MCPH1: variants seen among roughly 807,000 people sequenced by gnomAD.
The protein encoded by MCPH1 is microcephalin.
MCPH1 carries 104 observed loss-of-function variants against 84.5 expected under a neutral mutation model. That is an observed-to-expected ratio of 1.23 (90% confidence interval 1.05 to 1.45). The LOEUF (loss-of-function observed/expected upper bound fraction) is 1.45, where lower values mean the gene tolerates loss of function less well. MCPH1 is among the 40% of genes most tolerant of loss of function. The pLI is 0.00. For missense variants in MCPH1, 1,498 were observed against 1,005.7 expected (o/e 1.49, Z -6.62); for synonymous variants, 514 against 366.8 (o/e 1.40, Z -4.58).
At chr8:6,546,695 C>T (rs1822633515) in intron 12 of MCPH1, among the ~76,000 whole-genome samples, 1 of 152,118 alleles carries the variant, frequency 6.6e-6, no homozygotes, top group Non-Finnish European at 1.5e-5. Flanking sequence ...CACTAAGGGT[C>T]CCATGAGCTG....
intron 12 of MCPH1, chr8:6,618,485 A>C (rs947316950): frequency 6.6e-6 from 1 of 152,230 alleles, no homozygotes; most frequent in African/African-American, 2.4e-5. Context: ...TTATCCATAT[A>C]GTGAGATAGA....
chr8:6,566,732 G>A (rs1482475115), intron 12 of MCPH1, among the ~76,000 whole-genome samples: 1 of 145,128 alleles, frequency 6.9e-6, no homozygotes, highest in African/African-American at 2.5e-5. Flanking sequence ...CAAGGCCATG[G>A]ATAGTGCACG....
chr8:6,432,418 G>T (rs1340006824), intron 4 of MCPH1, among the ~76,000 whole-genome samples: 1 of 152,060 alleles, frequency 6.6e-6, no homozygotes, highest in East Asian at 1.9e-4. Context: ...TGAATCCATA[G>T]ATCTGGAACT....
chr8:6,625,474 A>G, intron 13 of MCPH1: 3 of 985,394 alleles, frequency 3.0e-6, no homozygotes, highest in African/African-American at 1.7e-5. Flanking sequence ...CGCAATATTG[A>G]AAAACTAGGA....
intron 13 of MCPH1, among the ~76,000 whole-genome samples, chr8:6,629,509 T>A (rs1024667162): frequency 1.3e-5 from 2 of 152,040 alleles, no homozygotes; most frequent in African/African-American, 4.8e-5. Flanking sequence ...ACCAAAGATA[T>A]TTTTGCACAG....
chr8:6,509,962 G>T (rs1446638793), intron 12 of MCPH1, among the ~76,000 whole-genome samples: 2 of 152,052 alleles, frequency 1.3e-5, no homozygotes, highest in Non-Finnish European at 2.9e-5. Context: ...CACTAGCCAG[G>T]GAAAGATCCA....
intron 12 of MCPH1, among the ~76,000 whole-genome samples, chr8:6,506,602 C>G (rs1813778156): frequency 6.6e-6 from 1 of 152,146 alleles, no homozygotes; most frequent in Non-Finnish European, 1.5e-5. Context: ...GCTCCTCCAC[C>G]TGACCCTTTC....
intron 12 of MCPH1, among the ~76,000 whole-genome samples, chr8:6,541,041 C>T (rs1821461562): frequency 6.9e-6 from 1 of 145,366 alleles, no homozygotes; most frequent in Non-Finnish European, 1.5e-5. Flanking sequence ...GCCGAGGAGG[C>T]TCTCATGGGT....
intron 3 of MCPH1, among the ~76,000 whole-genome samples, chr8:6,418,431 G>A (rs905546677): frequency 6.6e-6 from 1 of 152,174 alleles, no homozygotes; most frequent in Non-Finnish European, 1.5e-5. Flanking sequence ...AGGACGTATA[G>A]CTTATAGTTC....
intron 12 of MCPH1, among the ~76,000 whole-genome samples, chr8:6,617,543 C>T (rs550144763): frequency 2.0e-5 from 3 of 152,094 alleles, no homozygotes; most frequent in South Asian, 4.2e-4. Flanking sequence ...ACGATGCCAC[C>T]GAGCCATCGT....
At chr8:6,591,467 C>G (rs1294397667) in intron 12 of MCPH1, among the ~76,000 whole-genome samples, 1 of 152,110 alleles carries the variant, frequency 6.6e-6, no homozygotes, top group Non-Finnish European at 1.5e-5. Flanking sequence ...GGAAATCACC[C>G]CATGTGTGGA....
intron 9 of MCPH1, among the ~76,000 whole-genome samples, chr8:6,466,232 G>A (rs1024206906): frequency 3.3e-5 from 5 of 149,746 alleles, no homozygotes; most frequent in African/African-American, 1.2e-4. Context: ...CGCTTCCCAG[G>A]TTCAAGTGAT....
At chr8:6,447,436 T>C in intron 8 of MCPH1, 1 of 985,162 alleles carries the variant, frequency 1.0e-6, no homozygotes, top group Non-Finnish European at 1.2e-6. Context: ...CTTGTTGCTG[T>C]TGTCAGTATC....
chr8:6,602,680 G>C (rs974794175), intron 12 of MCPH1, among the ~76,000 whole-genome samples: 1 of 152,026 alleles, frequency 6.6e-6, no homozygotes, highest in Non-Finnish European at 1.5e-5. Flanking sequence ...TTTCCTTGTT[G>C]TTTACAAGCT....
chr8:6,477,505 T>C (rs1009748584), intron 9 of MCPH1, 89 bp from the exon 10 acceptor site: 2 of 1,224,968 alleles, frequency 1.6e-6, no homozygotes, highest in African/African-American at 3.0e-5. Context: ...ATGTAACTTT[T>C]CAAAAAACTT....
intron 12 of MCPH1, among the ~76,000 whole-genome samples, chr8:6,528,652 C>T (rs545658131): frequency 3.9e-5 from 6 of 152,374 alleles, no homozygotes; most frequent in East Asian, 1.9e-4. Flanking sequence ...GATTCTCTAG[C>T]GCCTGGTTGC....
chr8:6,610,323 G>A (rs1641945329), intron 12 of MCPH1, among the ~76,000 whole-genome samples: 1 of 152,214 alleles, frequency 6.6e-6, no homozygotes, highest in Non-Finnish European at 1.5e-5. Flanking sequence ...ACAATCAGGT[G>A]TCTTCATTTA....
In MCPH1 at chr8:6,531,490, C is replaced by A. The variant is rs367960025; in HGVS notation, c.2214+31561C>A. Among the ~76,000 whole-genome samples, 13 of 152,136 alleles carry A rather than the reference C, an allele frequency of 8.5e-5. No individual in the cohort carries two copies. In the South Asian group the frequency reaches 2.1e-3, roughly 24 times the overall value. ...ATTTTTTAGTAGAGACGGGTTTTCGCCATGTTGGCCAGGCTGGTCTCGAAC... is the reference window on the plus strand; with the variant it reads ...ATTTTTTAGTAGAGACGGGTTTTCGACATGTTGGCCAGGCTGGTCTCGAAC... On this transcript the variant is annotated intron_variant, in intron 12 of 13. Coordinates refer to ENST00000344683, the MANE Select transcript of MCPH1 (RefSeq NM_024596.5).
rs971432563 is a variant in MCPH1 at position 6,550,606 on chromosome 8, C to T, written c.2214+50677C>T. Among the ~76,000 whole-genome samples the T allele has an allele frequency of 3.9e-5, 6 of 152,246 alleles. No homozygotes were observed. The South Asian group carries it at 1.2e-3, about 32-fold the overall frequency. Reference sequence around the variant, plus strand: ...GACAGCTGTGGGCTGTGTAGGGTGGCGGGCGTTGGTGGTGAAGTCTGTCGG... The same window carrying T: ...GACAGCTGTGGGCTGTGTAGGGTGGTGGGCGTTGGTGGTGAAGTCTGTCGG... On this transcript the variant is annotated intron_variant, in intron 12 of 13. Transcript: ENST00000344683.
Sources: gnomAD v4.1 joint callset for allele counts (sites outside exome capture counted in the v4.1 genomes callset) on GRCh38, gnomAD v4.1.1 for gene constraint, MANE v1.5 for transcripts, NCBI Gene and HGNC (gene_info 2026-07-23, HGNC 2026-07-21) for gene names.